The following TSPAN18 variants were observed in gnomAD, a reference collection of about 807,000 sequenced individuals.
The protein encoded by TSPAN18 is tetraspanin-18.
Under a neutral mutation model 27.3 loss-of-function variants are expected in TSPAN18, and 14 were observed. That is an observed-to-expected ratio of 0.51 (90% CI 0.34 to 0.80). The LOEUF (loss-of-function observed/expected upper bound fraction) is 0.80. Among genes scored for constraint, TSPAN18 ranks in the 30% least tolerant of loss-of-function variants. The pLI is 0.01. For missense variants in TSPAN18, 268 were observed against 323.9 expected, an observed-to-expected ratio of 0.83 and a Z score of 1.32; for synonymous variants, 143 against 136.5, an observed-to-expected ratio of 1.05 and a Z score of -0.33.
In TSPAN18 at chr11:44,918,194, G is replaced by A. The variant is rs557381543; in HGVS notation, c.333+148G>A. ...TCCAGCCCAAGTCATGGCCCCACCC[G>A]CCTGGCAAGGCCCCGCAGACCAGGG... is the stretch of plus-strand genomic sequence containing the variant. On this transcript the variant is annotated intron_variant, in intron 6 of 9. Transcript: ENST00000520358. 711 of 778,164 alleles carry A rather than the reference G, an allele frequency of 9.1e-4. 1 individual carries two copies. Among genetic ancestry groups the A allele is most frequent in the Non-Finnish European group, 1.3e-3 (636 of 480,328 alleles). The allele number at this position is 778,164 out of a possible 1,614,324, so 48.2% of individuals were successfully genotyped here.
chr11:44,768,959 C>T (rs1400742583), intron 2 of TSPAN18, among the ~76,000 whole-genome samples: 1 of 140,044 alleles, frequency 7.1e-6, no homozygotes, highest in African/African-American at 2.7e-5. Flanking sequence ...TGCAGTGGTG[C>T]GATTTCTGGT....
At chr11:44,727,491 C>G (rs1178665973) in intron 1 of TSPAN18, among the ~76,000 whole-genome samples, 9 of 152,152 alleles carry the variant, frequency 5.9e-5, no homozygotes, top group Non-Finnish European at 1.3e-4. Flanking sequence ...CGGTCTCCAC[C>G]CCGTGCCTGC....
Position 44,880,775 on chromosome 11 carries a change from C to T in TSPAN18, c.-11+20306C>T, listed in dbSNP as rs531850932. 4.6e-5 allele frequency among the ~76,000 whole-genome samples: 7 copies of T among 152,352 alleles called. No individual in the cohort carries two copies. In the South Asian group the frequency reaches 1.2e-3, roughly 27 times the overall value. On this transcript the variant is annotated intron_variant, in intron 3 of 9. Transcript: ENST00000520358. ...TGGTTGGACTCAAGGACCTCTGAGC[C>T]GCCTCCAGCCCTGACATTGTGTATG...
intron 3 of TSPAN18, among the ~76,000 whole-genome samples, chr11:44,875,662 A>G (rs770214189): frequency 3.2e-4 from 49 of 152,224 alleles, no homozygotes; most frequent in Admixed American, 8.5e-4. Context: ...TTGTCCCCAC[A>G]TTGATCCAGA....
chr11:44,918,619 C>T (rs1334248378), intron 6 of TSPAN18, among the ~76,000 whole-genome samples: 11 of 131,384 alleles, frequency 8.4e-5, no homozygotes, highest in Admixed American at 8.0e-4. Flanking sequence ...GTAGAGGAGG[C>T]GGGCGGGGAG....
At position 44,851,612 on chromosome 11, in the gene TSPAN18, A is replaced by ACCCC. The variant is rs1278720815; in HGVS notation, c.-152-8714_-152-8713insCCCC. Among the ~76,000 whole-genome samples, 134 of 110,676 alleles carry ACCCC rather than the reference A, an allele frequency of 1.2e-3. 1 individual carries two copies. Among genetic ancestry groups the ACCCC allele is most frequent in the Non-Finnish European group, 1.8e-3 (86 of 49,098 alleles). 72.6% of individuals were successfully genotyped at this position (110,676 alleles called of 152,430 possible). On this transcript the variant is annotated intron_variant, in intron 2 of 9. Transcript: ENST00000520358. The stretch of plus-strand genomic sequence containing the variant: ...CTCTGTTAGCCCAGGTACTCTTGTC[A>ACCCC]CCTCCCCCCCCCAACGGCTGGGTCC...
chr11:44,884,817 G>A (rs1304243042), intron 3 of TSPAN18, among the ~76,000 whole-genome samples: 2 of 152,218 alleles, frequency 1.3e-5, no homozygotes, highest in African/African-American at 4.8e-5. Context: ...CTTGAACCCA[G>A]CTTTCTGGAT....
At chr11:44,898,274 C>T (rs1290935296) in intron 3 of TSPAN18, among the ~76,000 whole-genome samples, 1 of 152,236 alleles carries the variant, frequency 6.6e-6, no homozygotes, top group Non-Finnish European at 1.5e-5. Flanking sequence ...GGTTTTGGAA[C>T]TTGGCCAAGC....
intron 2 of TSPAN18, among the ~76,000 whole-genome samples, chr11:44,859,014 A>C (rs953229566): frequency 6.6e-6 from 1 of 152,102 alleles, no homozygotes; most frequent in African/African-American, 2.4e-5. Context: ...ATTCGTGCTC[A>C]CCAGCTTGCA....
chr11:44,916,295 G>A (rs1229793789), intron 5 of TSPAN18, among the ~76,000 whole-genome samples: 3 of 152,192 alleles, frequency 2.0e-5, no homozygotes, highest in African/African-American at 7.2e-5. Context: ...TCTCCCTGGG[G>A]TGGGGATAAA....
chr11:44,793,538 A>G (rs775861093), intron 2 of TSPAN18, among the ~76,000 whole-genome samples: 1 of 152,154 alleles, frequency 6.6e-6, no homozygotes, highest in Non-Finnish European at 1.5e-5. Context: ...GCGTTGCTAC[A>G]CGGAGCTCAC....
At chr11:44,875,732 G>A (rs996721019) in intron 3 of TSPAN18, among the ~76,000 whole-genome samples, 2 of 152,196 alleles carry the variant, frequency 1.3e-5, no homozygotes, top group African/African-American at 2.4e-5. Context: ...TTCATTTCCT[G>A]TGAGCCTCAG....
At chr11:44,913,762 TC>T (rs956421980) in intron 5 of TSPAN18, among the ~76,000 whole-genome samples, 1 of 152,192 alleles carries the variant, frequency 6.6e-6, no homozygotes, top group Admixed American at 6.5e-5. Context: ...AATTTTTCCA[TC>T]CTAAGGAAAG....
chr11:44,918,171 C>G (rs1008296349), intron 6 of TSPAN18, 125 bp downstream of exon 6: 6 of 982,070 alleles, frequency 6.1e-6, no homozygotes, highest in Non-Finnish European at 9.2e-6. Flanking sequence ...CTGGCACTTC[C>G]AGCCCAAGTC....
chr11:44,909,887 T>C lies in TSPAN18; in HGVS notation c.246T>C (p.Cys82=), dbSNP rs748530310. The change falls in exon 5 of 10, where the codon TGT becomes TGC. Residue 82 remains cysteine (C), a synonymous_variant. Transcript: ENST00000520358. ...GCCGAVRENK[C]LLLFFFLFIL... is the part of the protein sequence containing the mutation. ...GCGGGGCCGTCCGTGAGAACAAGTG[T>C]CTGCTGCTATTTGTGAGTACCCCAG... 8 of 1,611,870 alleles carry C rather than the reference T, an allele frequency of 5.0e-6. No individual in the cohort carries two copies. The highest frequency in any genetic ancestry group is 6.8e-6 in the Non-Finnish European group (8 of 1,178,700).
At chr11:44,892,402 C>T (rs531166936) in intron 3 of TSPAN18, among the ~76,000 whole-genome samples, 3 of 152,314 alleles carry the variant, frequency 2.0e-5, no homozygotes, top group South Asian at 2.1e-4. Flanking sequence ...TGGAGGTGGA[C>T]GCTAGTGTCC....
chr11:44,813,983 G>A (rs1313779385), intron 2 of TSPAN18, among the ~76,000 whole-genome samples: 3 of 152,206 alleles, frequency 2.0e-5, no homozygotes, highest in Non-Finnish European at 2.9e-5. Context: ...TTCAGGGATC[G>A]TTGAACTTTA....
chr11:44,733,771 T>C (rs959041983), intron 1 of TSPAN18, among the ~76,000 whole-genome samples: 9 of 152,208 alleles, frequency 5.9e-5, no homozygotes, highest in African/African-American at 2.2e-4. Context: ...CAGCCAAGCT[T>C]CGGGGTACCC....
intron 2 of TSPAN18, among the ~76,000 whole-genome samples, chr11:44,852,599 CAT>C (rs375577177): frequency 1.2e-4 from 18 of 152,364 alleles, no homozygotes; most frequent in Middle Eastern, 3.4e-3. Flanking sequence ...CATACATGCA[CAT>C]GTGTGTGCCC....
Sources: gnomAD v4.1 joint callset for allele counts (sites outside exome capture counted in the v4.1 genomes callset) on GRCh38, gnomAD v4.1.1 for gene constraint, MANE v1.5 for transcripts, NCBI Gene and HGNC (gene_info 2026-07-23, HGNC 2026-07-21) for gene names.